The following PSMA1 variants were observed in gnomAD, a reference collection of about 807,000 sequenced individuals.
PSMA1 encodes the protein proteasome 20S subunit alpha 1, also known as proteasome subunit alpha type-1.
Under a neutral mutation model 38.4 loss-of-function variants are expected in PSMA1, and 3 were observed. The ratio of observed to expected loss-of-function variants is 0.08; its 90% CI spans 0.04 to 0.20. The LOEUF (loss-of-function observed/expected upper bound fraction) is 0.20. PSMA1 is among the 10% of genes least tolerant of loss of function. The pLI is 1.00. For synonymous variants in PSMA1, 101 were observed against 107.1 expected, an observed-to-expected ratio of 0.94 and a Z score of 0.35; for missense variants, 227 against 325.3, an observed-to-expected ratio of 0.70 and a Z score of 2.32.
chr11:14,519,200 A>G, intron 1 of PSMA1, 159 bp from the exon 2 acceptor site: 1 of 701,190 alleles, frequency 1.4e-6, no homozygotes, highest in Non-Finnish European at 2.6e-6. Context: ...ATGTAAGCCA[A>G]TTCTACATTT....
At chr11:14,628,793 AG>A (rs1290652744) in intron 1 of PSMA1, among the ~76,000 whole-genome samples, 1 of 133,814 alleles carries the variant, frequency 7.5e-6, no homozygotes, top group African/African-American at 2.8e-5. Flanking sequence ...ACAGTGTAAA[AG>A]TGTTCCTATT....
intron 2 of PSMA1, among the ~76,000 whole-genome samples, chr11:14,584,482 G>A (rs1251135008): frequency 1.3e-5 from 2 of 148,782 alleles, no homozygotes; most frequent in African/African-American, 5.0e-5. Context: ...TGATAATATG[G>A]TTTGGAGTGT....
chr11:14,611,729 A>C (rs2134198886), intron 1 of PSMA1, among the ~76,000 whole-genome samples: 1 of 152,188 alleles, frequency 6.6e-6, no homozygotes, highest in African/African-American at 2.4e-5. Context: ...CATACTCCTC[A>C]CTAGATTGTT....
Position 14,568,157 on chromosome 11 carries a change from G to A in PSMA1, c.21+42809C>T, listed in dbSNP as rs539283001. On this transcript the variant is annotated intron_variant, in intron 2 of 10. Transcript: ENST00000418988. ...TATTAACTACCATAAAAGAGAATGA[G>A]AATTGACTGTAACATGTCTAGGATC... 5.3e-5 allele frequency among the ~76,000 whole-genome samples: 8 copies of A among 152,322 alleles called. No homozygotes were observed. In the East Asian group the frequency reaches 1.2e-3, roughly 22 times the overall value.
At chr11:14,572,712 C>A (rs1033339271) in intron 2 of PSMA1, among the ~76,000 whole-genome samples, 1 of 152,054 alleles carries the variant, frequency 6.6e-6, no homozygotes, top group Non-Finnish European at 1.5e-5. Context: ...TTCAAAAAAT[C>A]AATGAATCCA....
At chr11:14,639,157 T>A (rs1853166775) in intron 1 of PSMA1, among the ~76,000 whole-genome samples, 1 of 152,152 alleles carries the variant, frequency 6.6e-6, no homozygotes, top group Non-Finnish European at 1.5e-5. Flanking sequence ...GTACTGTCAC[T>A]TGAGTTAAAA....
chr11:14,622,313 T>C (rs1334696389), intron 1 of PSMA1, among the ~76,000 whole-genome samples: 2 of 152,228 alleles, frequency 1.3e-5, no homozygotes, highest in Admixed American at 1.3e-4. Flanking sequence ...TAGATAATAA[T>C]TTTCAATTAC....
chr11:14,600,966 GT>G (rs892502691), intron 2 of PSMA1, among the ~76,000 whole-genome samples: 5 of 151,862 alleles, frequency 3.3e-5, no homozygotes, highest in Non-Finnish European at 7.4e-5. Context: ...ATTCTTATGT[GT>G]TTTTTTTAAA....
intron 2 of PSMA1, among the ~76,000 whole-genome samples, chr11:14,561,102 C>A (rs1852002559): frequency 6.6e-6 from 1 of 151,928 alleles, no homozygotes; most frequent in Non-Finnish European, 1.5e-5. Context: ...AAAGGAGAAA[C>A]TAAATAAAAT....
chr11:14,518,572 A>C (rs1051008473), intron 2 of PSMA1, among the ~76,000 whole-genome samples: 4 of 152,176 alleles, frequency 2.6e-5, no homozygotes, highest in African/African-American at 4.8e-5. Flanking sequence ...ATTTAACAAA[A>C]ATCTTGAATA....
chr11:14,618,869 C>T (rs574271270), intron 1 of PSMA1, among the ~76,000 whole-genome samples: 2 of 152,288 alleles, frequency 1.3e-5, no homozygotes, highest in South Asian at 4.1e-4. Flanking sequence ...TTTTTGCATC[C>T]ATTTTCTCAC....
intron 2 of PSMA1, among the ~76,000 whole-genome samples, chr11:14,559,354 G>A (rs1293179235): frequency 1.3e-5 from 2 of 152,174 alleles, no homozygotes; most frequent in Non-Finnish European, 2.9e-5. Context: ...GAAAGAAATA[G>A]AGAAACAAGA....
intron 2 of PSMA1, among the ~76,000 whole-genome samples, chr11:14,594,391 T>C (rs185522892): frequency 2.0e-5 from 3 of 152,260 alleles, no homozygotes; most frequent in East Asian, 3.9e-4. Context: ...AAGATACTAA[T>C]AAGCTTGATA....
intron 2 of PSMA1, among the ~76,000 whole-genome samples, chr11:14,548,415 G>GGT (rs141720784): frequency 6.4e-4 from 97 of 151,460 alleles, no homozygotes; most frequent in Middle Eastern, 3.4e-3. Flanking sequence ...TGTACACACA[G>GGT]GTGTGTGTGT....
chr11:14,541,953 G>A (rs555837156), intron 2 of PSMA1, among the ~76,000 whole-genome samples: 2 of 152,242 alleles, frequency 1.3e-5, no homozygotes, highest in East Asian at 3.9e-4. Flanking sequence ...TATTTCCACT[G>A]TGTAAGATTA....
Position 14,512,512 on chromosome 11 carries a change from A to G in PSMA1, c.544+1058T>C, listed in dbSNP as rs995391126. On this transcript the variant is annotated intron_variant, in intron 7 of 9. Coordinates refer to ENST00000396394, the MANE Select transcript of PSMA1 (RefSeq NM_002786.4). ...TTATTGCAATCTTTAGGAATTTCCTATCCAGGTTGAAATGTGCTAGGCAGA... is the reference window on the plus strand; with the variant it reads ...TTATTGCAATCTTTAGGAATTTCCTGTCCAGGTTGAAATGTGCTAGGCAGA... 2.6e-5 allele frequency among the ~76,000 whole-genome samples: 4 copies of G among 152,256 alleles called. No individual in the cohort carries two copies. In the South Asian group the frequency reaches 8.3e-4, roughly 32 times the overall value.
At chr11:14,575,869 C>A (rs1427159627) in intron 2 of PSMA1, among the ~76,000 whole-genome samples, 1 of 152,210 alleles carries the variant, frequency 6.6e-6, no homozygotes, top group Non-Finnish European at 1.5e-5. Flanking sequence ...AGTTTACAGT[C>A]CCACCAGCAA....
At chr11:14,584,467 C>A (rs186540885) in intron 2 of PSMA1, among the ~76,000 whole-genome samples, 8 of 148,982 alleles carry the variant, frequency 5.4e-5, no homozygotes, top group Non-Finnish European at 1.2e-4. Flanking sequence ...AGTTAATAGG[C>A]TATGTGATAA....
chr11:14,616,218 G>A (rs1852770837), intron 1 of PSMA1, among the ~76,000 whole-genome samples: 1 of 150,550 alleles, frequency 6.6e-6, no homozygotes, highest in Non-Finnish European at 1.5e-5. Context: ...GTGAGAGTTG[G>A]AGGATCCCAA....
Sources: allele counts gnomAD v4.1 joint callset (sites outside exome capture counted in the v4.1 genomes callset), GRCh38; gene constraint gnomAD v4.1.1; transcripts MANE v1.5; gene names NCBI Gene and HGNC (gene_info 2026-07-23, HGNC 2026-07-21).